Variants in AP3S1 observed in about 807,000 individuals in gnomAD.
AP3S1 encodes adaptor related protein complex 3 subunit sigma 1.
In AP3S1, 12 loss-of-function variants were observed where a neutral mutation model predicts 21.3. The ratio of observed to expected loss-of-function variants is 0.56; its 90% confidence interval spans 0.36 to 0.91. The LOEUF is 0.91. AP3S1 is among the 40% of genes least tolerant of loss of function. The pLI is 0.01. For synonymous variants in AP3S1, 48 were observed against 78.4 expected (o/e 0.61, Z 2.05); for missense variants, 116 against 225.0 (o/e 0.52, Z 3.10).
rs1362715299 is a variant in AP3S1 at position 115,913,623 on chromosome 5, G to A, written c.*133G>A. The A allele has an allele frequency of 2.5e-5, 35 of 1,378,266 alleles. No homozygotes were observed. In the Admixed American group the frequency reaches 8.9e-4, roughly 35 times the overall value. 85.4% of individuals were successfully genotyped at this position (1,378,266 alleles called of 1,614,324 possible). On this transcript the variant is annotated 3_prime_UTR_variant, in exon 6 of 6. Transcript: ENST00000316788. ...TGGATTTAAGTCAAGGTACTGTATA[G>A]AAGTTGTGTAAAATCAGTATGAAAG...
intron 3 of AP3S1, among the ~76,000 whole-genome samples, chr5:115,870,365 A>T (rs1748120365): frequency 6.6e-6 from 1 of 152,180 alleles, no homozygotes; most frequent in Admixed American, 6.5e-5. Flanking sequence ...AAGTTACAGC[A>T]AGGAGCTTAA....
chr5:115,904,608 G>A (rs1326988558), intron 5 of AP3S1, among the ~76,000 whole-genome samples: 2 of 151,994 alleles, frequency 1.3e-5, no homozygotes, highest in African/African-American at 4.8e-5. Flanking sequence ...TTAAAATATT[G>A]GCTTTTGAAA....
chr5:115,858,725 A>G (rs889181519), intron 1 of AP3S1, among the ~76,000 whole-genome samples: 2 of 151,034 alleles, frequency 1.3e-5, no homozygotes, highest in African/African-American at 4.8e-5. Flanking sequence ...TGAATTTTTA[A>G]AATTTCTCCA....
chr5:115,906,019 A>G (rs1006672695), intron 5 of AP3S1, among the ~76,000 whole-genome samples: 2 of 152,108 alleles, frequency 1.3e-5, no homozygotes, highest in African/African-American at 4.8e-5. Flanking sequence ...TTATCCAGGC[A>G]TGGTGGCACT....
intron 1 of AP3S1, among the ~76,000 whole-genome samples, chr5:115,848,343 T>C (rs1180899361): frequency 6.6e-6 from 1 of 152,220 alleles, no homozygotes; most frequent in Admixed American, 6.5e-5. Flanking sequence ...TTTTAGACAT[T>C]AATAACACAA....
intron 1 of AP3S1, 49 bp from the exon 2 acceptor site, chr5:115,866,621 A>G: frequency 3.9e-6 from 5 of 1,275,016 alleles, no homozygotes; most frequent in Non-Finnish European, 5.3e-6. Flanking sequence ...TTAAAATGCT[A>G]TTAAACCTAT....
At chr5:115,903,059 G>A in intron 5 of AP3S1, 67 bp downstream of exon 5, 1 of 1,172,146 alleles carries the variant, frequency 8.5e-7, no homozygotes, top group Non-Finnish European at 1.2e-6. Flanking sequence ...ATGATTTGTA[G>A]TTTTCACTGT....
chr5:115,867,041 A>G (rs186736717), intron 2 of AP3S1, among the ~76,000 whole-genome samples: 1 of 152,138 alleles, frequency 6.6e-6, no homozygotes, highest in Non-Finnish European at 1.5e-5. Flanking sequence ...GTAAAATAAG[A>G]ATCTCTCAAC....
At chr5:115,848,783 A>T (rs1476744422) in intron 1 of AP3S1, among the ~76,000 whole-genome samples, 1 of 152,204 alleles carries the variant, frequency 6.6e-6, no homozygotes, top group Non-Finnish European at 1.5e-5. Flanking sequence ...GGCTAACTAA[A>T]CACATTTTTT....
At chr5:115,896,072 T>C (rs1750733877) in intron 4 of AP3S1, among the ~76,000 whole-genome samples, 1 of 152,168 alleles carries the variant, frequency 6.6e-6, no homozygotes, top group African/African-American at 2.4e-5. Context: ...AGTAAGAGTC[T>C]GAAAATTTTA....
intron 1 of AP3S1, chr5:115,842,390 G>A (rs1182520476): frequency 3.0e-6 from 1 of 330,674 alleles, no homozygotes; most frequent in Non-Finnish European, 5.4e-6. Flanking sequence ...GAGACTTCCC[G>A]GGGCCCGGCC....
At chr5:115,908,216 A>G (rs1293676858) in intron 5 of AP3S1, among the ~76,000 whole-genome samples, 1 of 152,154 alleles carries the variant, frequency 6.6e-6, no homozygotes, top group Non-Finnish European at 1.5e-5. Flanking sequence ...AATACATAGT[A>G]GTCTCATTCT....
At chr5:115,899,125 A>T (rs556382345) in intron 4 of AP3S1, among the ~76,000 whole-genome samples, 1 of 152,302 alleles carries the variant, frequency 6.6e-6, no homozygotes, top group East Asian at 1.9e-4. Flanking sequence ...ATCTGATCGG[A>T]GGCCTGTGTC....
At chr5:115,899,787 A>C (rs1751056306) in intron 4 of AP3S1, among the ~76,000 whole-genome samples, 1 of 152,050 alleles carries the variant, frequency 6.6e-6, no homozygotes, top group Non-Finnish European at 1.5e-5. Flanking sequence ...AAGAAAAGAG[A>C]CTTTGAAGGA....
chr5:115,897,505 C>T (rs1375137793), intron 4 of AP3S1, among the ~76,000 whole-genome samples: 1 of 151,988 alleles, frequency 6.6e-6, no homozygotes. Context: ...TAAATTTCAA[C>T]TTTTAAGCAG....
intron 3 of AP3S1, among the ~76,000 whole-genome samples, chr5:115,890,875 G>T (rs1273452387): frequency 6.6e-6 from 1 of 152,184 alleles, no homozygotes; most frequent in East Asian, 1.9e-4. Flanking sequence ...TCTAGGAAAA[G>T]ACCTTTCCCA....
At chr5:115,849,118 C>A (rs1359165955) in intron 1 of AP3S1, among the ~76,000 whole-genome samples, 1 of 152,112 alleles carries the variant, frequency 6.6e-6, no homozygotes, top group African/African-American at 2.4e-5. Flanking sequence ...TTTGTATGGC[C>A]CTATTCTAAG....
intron 2 of AP3S1, among the ~76,000 whole-genome samples, chr5:115,869,003 A>G (rs1747981494): frequency 1.4e-5 from 2 of 143,576 alleles, no homozygotes; most frequent in Non-Finnish European, 3.0e-5. Flanking sequence ...ATTTTCCCAT[A>G]TTCTGTTGGG....
In AP3S1 at chr5:115,910,500, A is replaced by G. The variant is rs138424652; in HGVS notation, c.454-2862A>G. On this transcript the variant is annotated intron_variant, in intron 5 of 5. Transcript: ENST00000316788. ...AAAGTTATTTTGTTGCTTTGAATGT[A>G]TCTTACTGGAAAAAAAAAAAATCTT... Among the ~76,000 whole-genome samples, 817 of 151,870 alleles carry G rather than the reference A, an allele frequency of 5.4e-3. 10 individuals carry two copies. Among genetic ancestry groups the G allele is most frequent in the African/African-American group, 0.019 (784 of 41,366 alleles).
Sources: gnomAD v4.1 joint callset for allele counts (sites outside exome capture counted in the v4.1 genomes callset) on GRCh38, gnomAD v4.1.1 for gene constraint, MANE v1.5 for transcripts, NCBI Gene and HGNC (gene_info 2026-07-23, HGNC 2026-07-21) for gene names.